The following PCDHGA4 variants were observed in gnomAD, a reference collection of about 807,000 sequenced individuals.
PCDHGA4 encodes the protein protocadherin gamma subfamily A, 4.
Under a neutral mutation model 54.6 loss-of-function variants are expected in PCDHGA4, and 38 were observed. The observed-to-expected ratio is 0.70, with a 90% CI of 0.54 to 0.91. PCDHGA4 has a LOEUF of 0.91. PCDHGA4 is among the 40% of genes least tolerant of loss of function. The probability of loss-of-function intolerance (pLI) is 0.00; values close to 1 mark genes in which losing one functional copy is unlikely to be tolerated. For synonymous variants in PCDHGA4, 511 were observed against 512.9 expected (o/e 1.00, Z 0.05); for missense variants, 1,298 against 1,220.9 (o/e 1.06, Z -0.94).
chr5:141,432,386 A>C lies in PCDHGA4; in HGVS notation c.2515-62421A>C. 1 of 1,614,204 alleles carries C rather than the reference A, an allele frequency of 6.2e-7. No homozygotes were observed. Among genetic ancestry groups the C allele is most frequent in the Non-Finnish European group, 8.5e-7 (1 of 1,180,032 alleles). ...GCGGGACAACGGGCACCCGCCCCTC[A>C]GCAGCAACGTGTCGTTGAGCCTGTT... On this transcript the variant is annotated intron_variant, in intron 1 of 3. Transcript: ENST00000571252. This position sits in a 1 kb window ranked among gnomAD's most constrained non-coding sequence, Gnocchi z 6.0.
chr5:141,409,753 G>T, intron 1 of PCDHGA4: 1 of 1,613,006 alleles, frequency 6.2e-7, no homozygotes. Context: ...TGTTCGCGCA[G>T]CGCGCCTTTG....
Position 141,356,286 on chromosome 5 carries a change from G to A in PCDHGA4, c.1179G>A (p.Pro393=), listed in dbSNP as rs565025247. The change falls in exon 1 of 4, where the codon CCG becomes CCA. Residue 393 remains proline, a synonymous_variant. Coordinates refer to ENST00000571252, the MANE Select transcript of PCDHGA4 (RefSeq NM_018917.4). ...GCTCAGTCCAGGAATCTTCTTCCCC[G>A]GGTACAGTAATTGCACTTTTCAACG... The part of the protein sequence containing the change: ...LTSSVQESSS[P]GTVIALFNVH... 72 of 1,556,442 alleles carry A rather than the reference G, an allele frequency of 4.6e-5. No individual in the cohort carries two copies. The South Asian group carries it at 6.9e-4, about 15-fold the overall frequency.
intron 1 of PCDHGA4, chr5:141,374,744 G>A: frequency 1.2e-6 from 2 of 1,611,982 alleles, no homozygotes; most frequent in East Asian, 2.2e-5. Context: ...CGGCGACCCT[G>A]TCCGCTCAAG....
At chr5:141,423,177 C>T (rs748689237) in intron 1 of PCDHGA4, 3 of 1,613,430 alleles carry the variant, frequency 1.9e-6, no homozygotes, top group Non-Finnish European at 2.5e-6. Context: ...TCCAGGACCA[C>T]GGCCAGCCCC....
chr5:141,383,268 A>C (rs773903039), intron 1 of PCDHGA4: 1 of 1,613,816 alleles, frequency 6.2e-7, no homozygotes, highest in Non-Finnish European at 8.5e-7. Context: ...ACGTGGAAAT[A>C]ATAGATATTA....
At chr5:141,364,226 C>T in intron 1 of PCDHGA4, 5 of 1,375,088 alleles carry the variant, frequency 3.6e-6, no homozygotes, top group Non-Finnish European at 4.9e-6. Context: ...AAAGCCAACG[C>T]TCCACGCCCA....
chr5:141,356,162 C>T lies in PCDHGA4; in HGVS notation c.1055C>T (p.Ala352Val), dbSNP rs779976582. 1.2e-5 allele frequency: 20 copies of T among 1,613,176 alleles called. No homozygotes were observed. The highest frequency in any genetic ancestry group is 1.7e-5 in the Non-Finnish European group (20 of 1,179,498). Residue 352 changes from alanine (A) to valine (V), a missense_variant, in exon 1 of 4, where the codon GCC (alanine) becomes GTC (valine). Physicochemically the swap from Ala to Val is moderately conservative, Grantham distance 64 (BLOSUM62 0). Coordinates refer to ENST00000571252, the MANE Select transcript of PCDHGA4 (RefSeq NM_018917.4). ...DSGFYDIDVE[A>V]HDGPGLRARS... ...GGATTCTATGACATAGATGTAGAAG[C>T]CCATGATGGGCCTGGTCTCCGAGCT... is the stretch of plus-strand genomic sequence containing the variant.
In PCDHGA4 at chr5:141,476,348, G is replaced by T. The variant is rs764669470; in HGVS notation, c.2515-18459G>T. On this transcript the variant is annotated intron_variant, in intron 1 of 3. Transcript: ENST00000571252. This position sits in a 1 kb window ranked among gnomAD's most constrained non-coding sequence, Gnocchi z 7.6. ...GTCTGGAGCTAGCCGAAGATTCTTTGAGGTGAACCGGGAGACCGGAGAGAT... is the reference window on the plus strand; with the variant it reads ...GTCTGGAGCTAGCCGAAGATTCTTTTAGGTGAACCGGGAGACCGGAGAGAT... 1 of 1,614,190 alleles carries T rather than the reference G, an allele frequency of 6.2e-7. No individual in the cohort carries two copies. The highest frequency in any genetic ancestry group is 8.5e-7 in the Non-Finnish European group (1 of 1,180,032).
intron 1 of PCDHGA4, among the ~76,000 whole-genome samples, chr5:141,386,387 C>T (rs1416257552): frequency 6.6e-6 from 1 of 152,092 alleles, no homozygotes; most frequent in Admixed American, 6.5e-5. Context: ...TAATTAAAAA[C>T]ACACTTTTAG....
intron 1 of PCDHGA4, chr5:141,408,182 C>G: frequency 6.5e-7 from 1 of 1,537,898 alleles, no homozygotes; most frequent in Non-Finnish European, 8.8e-7. Flanking sequence ...AGCGGGGACC[C>G]AGCGAGAACC....
chr5:141,467,625 T>C (rs1407031447), intron 1 of PCDHGA4, among the ~76,000 whole-genome samples: 1 of 152,202 alleles, frequency 6.6e-6, no homozygotes, highest in African/African-American at 2.4e-5. Flanking sequence ...TGATTTGAGA[T>C]AGCATCTTTA....
At chr5:141,419,104 C>T (rs756257411) in intron 1 of PCDHGA4, 75 of 1,613,732 alleles carry the variant, frequency 4.6e-5, no homozygotes, top group Non-Finnish European at 5.9e-5. Context: ...GGGAGCAGAC[C>T]CCAGAGTACA....
chr5:141,472,529 G>C lies in PCDHGA4; in HGVS notation c.2515-22278G>C, dbSNP rs553065027. 9.3e-5 allele frequency among the ~76,000 whole-genome samples: 14 copies of C among 151,058 alleles called. No individual in the cohort carries two copies. In the East Asian group the frequency reaches 2.6e-3, roughly 28 times the overall value. ...CACTCCAGCCTGGGTGACAGAGTGA[G>C]ACACCATCTCAAGAAAAAAAAAATT... On this transcript the variant is annotated intron_variant, in intron 1 of 3. Transcript: ENST00000571252.
intron 2 of PCDHGA4, among the ~76,000 whole-genome samples, chr5:141,499,575 T>TCCCTA (rs2099792820): frequency 1.3e-5 from 2 of 152,202 alleles, no homozygotes; most frequent in Non-Finnish European, 2.9e-5. Context: ...CTTCAACTAA[T>TCCCTA]GCCTTATCTT....
chr5:141,396,597 G>A (rs2150671251), intron 1 of PCDHGA4: 1 of 151,620 alleles, frequency 6.6e-6, no homozygotes, highest in Middle Eastern at 3.4e-3. Flanking sequence ...TCCAGCCTGG[G>A]CAACAGGGTG....
At chr5:141,362,594 T>C in intron 1 of PCDHGA4, 1 of 1,586,338 alleles carries the variant, frequency 6.3e-7, no homozygotes. Context: ...TCTGGTTTTA[T>C]TGTTTCACCT....
chr5:141,474,654 T>C (rs2099352669), intron 1 of PCDHGA4, among the ~76,000 whole-genome samples: 1 of 152,250 alleles, frequency 6.6e-6, no homozygotes, highest in African/African-American at 2.4e-5. Context: ...CTTACTTCTT[T>C]TCTACCTACC....
rs747994258 is a variant in PCDHGA4 at position 141,365,910 on chromosome 5, A to G, written c.2514+8289A>G. ...TCCTTCGACTATGAGCAGTTGAGAGACCTACAGTTGTGGGTGACAGCCAGC... is the reference window on the plus strand; with the variant it reads ...TCCTTCGACTATGAGCAGTTGAGAGGCCTACAGTTGTGGGTGACAGCCAGC... On this transcript the variant is annotated intron_variant, in intron 1 of 3. Transcript: ENST00000571252. The G allele has an allele frequency of 5.0e-6, 8 of 1,614,146 alleles. No homozygotes were observed. In the South Asian group the frequency reaches 8.8e-5, roughly 18 times the overall value.
chr5:141,453,302 T>C (rs189741118), intron 1 of PCDHGA4, among the ~76,000 whole-genome samples: 18 of 152,008 alleles, frequency 1.2e-4, no homozygotes, highest in Middle Eastern at 6.8e-3. Flanking sequence ...TTTATTTATT[T>C]ATTTATTTAT....
Sources: allele counts gnomAD v4.1 joint callset (sites outside exome capture counted in the v4.1 genomes callset), GRCh38; gene constraint gnomAD v4.1.1; non-coding constraint Gnocchi (gnomAD v3.1); transcripts MANE v1.5; gene names NCBI Gene and HGNC (gene_info 2026-07-23, HGNC 2026-07-21).